Variants in RBM46 observed in about 807,000 individuals in gnomAD.
The protein encoded by RBM46 is probable RNA-binding protein 46.
Under a neutral mutation model 43.3 loss-of-function variants are expected in RBM46, and 12 were observed. That is an observed-to-expected ratio of 0.28 (90% CI 0.18 to 0.45). The LOEUF is 0.45. RBM46 is among the 20% of genes least tolerant of loss of function. The pLI is 1.00. For synonymous variants in RBM46, 205 were observed against 207.6 expected (o/e 0.99, Z 0.11); for missense variants, 412 against 639.1 (o/e 0.64, Z 3.83).
intron 4 of RBM46, among the ~76,000 whole-genome samples, chr4:154,806,379 T>C (rs968565967): frequency 4.6e-5 from 7 of 151,864 alleles, no homozygotes; most frequent in Non-Finnish European, 8.9e-5. Context: ...TGGACTTCAA[T>C]GTCCTCAGAT....
At chr4:154,786,654 T>C (rs746994102) in intron 1 of RBM46, among the ~76,000 whole-genome samples, 19 of 149,874 alleles carry the variant, frequency 1.3e-4, no homozygotes, top group Admixed American at 6.6e-5. Flanking sequence ...GTAGGCCAGG[T>C]GCGATGGCTC....
At chr4:154,806,894 C>T (rs1391641789) in intron 4 of RBM46, among the ~76,000 whole-genome samples, 1 of 151,684 alleles carries the variant, frequency 6.6e-6, no homozygotes, top group Non-Finnish European at 1.5e-5. Context: ...GTATCTGTCC[C>T]ATAGGTTTAT....
Position 154,797,917 on chromosome 4 carries a change from G to A in RBM46, c.258G>A (p.Lys86=), listed in dbSNP as rs1734430477. 1.2e-6 allele frequency: 2 copies of A among 1,612,704 alleles called. No individual in the cohort carries two copies. Among genetic ancestry groups the A allele is most frequent in the African/African-American group, 2.7e-5 (2 of 74,856 alleles). Residue 86 remains lysine (K), a synonymous_variant, in exon 3 of 5, where the codon AAG becomes AAA. Coordinates refer to ENST00000281722, the MANE Select transcript of RBM46 (RefSeq NM_144979.5). The part of the protein sequence containing the change: ...ELVPVFERAG[K]IYEFRLMMEF... The stretch of plus-strand genomic sequence containing the variant: ...TTCCTGTATTTGAAAGAGCTGGGAA[G>A]ATATATGAATTTCGACTTATGATGG...
chr4:154,826,540 G>A (rs1443086701), intron 4 of RBM46, among the ~76,000 whole-genome samples: 3 of 151,896 alleles, frequency 2.0e-5, no homozygotes, highest in Non-Finnish European at 4.4e-5. Context: ...AAAAGTAAAT[G>A]GTATCAAAGT....
In RBM46 at chr4:154,828,050, C is replaced by G; in HGVS notation, c.1585C>G (p.Gln529Glu). 2 of 1,611,744 alleles carry G rather than the reference C, an allele frequency of 1.2e-6. No individual in the cohort carries two copies. Among genetic ancestry groups the G allele is most frequent in the Non-Finnish European group, 1.7e-6 (2 of 1,177,862 alleles). The stretch of plus-strand genomic sequence containing the variant: ...TGGACAGCGGCTATGTATCTCCAAT[C>G]AGGCCTCCTTCTTCTGAAGAAAATA... ...HVGQRLCISN[Q>E]ASFF Residue 529 changes from glutamine to glutamate, a missense_variant, in exon 5 of 5, where the codon CAG becomes GAG. Physicochemically the swap from Gln to Glu is conservative, Grantham distance 29. Coordinates refer to ENST00000281722, the MANE Select transcript of RBM46 (RefSeq NM_144979.5).
At chr4:154,817,102 A>G (rs1274361670) in intron 4 of RBM46, among the ~76,000 whole-genome samples, 1 of 151,998 alleles carries the variant, frequency 6.6e-6, no homozygotes, top group African/African-American at 2.4e-5. Flanking sequence ...ATCTGTGTTC[A>G]TTAGTGAGAT....
chr4:154,821,908 G>A (rs1193569799), intron 4 of RBM46, among the ~76,000 whole-genome samples: 1 of 151,690 alleles, frequency 6.6e-6, no homozygotes, highest in East Asian at 1.9e-4. Flanking sequence ...CTAGGTAATT[G>A]AGGTAGCAAC....
At chr4:154,827,008 CT>C in intron 4 of RBM46, 1 of 1,251,834 alleles carries the variant, frequency 8.0e-7, no homozygotes, top group Non-Finnish European at 1.0e-6. Flanking sequence ...TTGTCACACC[CT>C]TGGCTTATTT....
chr4:154,785,595 T>G (rs1244903414), intron 1 of RBM46, among the ~76,000 whole-genome samples: 2 of 152,126 alleles, frequency 1.3e-5, no homozygotes, highest in Non-Finnish European at 2.9e-5. Context: ...CTTAACTAGA[T>G]TCTTGTTTTT....
At chr4:154,790,570 A>G (rs1734034830) in intron 1 of RBM46, 1 of 152,222 alleles carries the variant, frequency 6.6e-6, no homozygotes, top group Non-Finnish European at 1.5e-5. Flanking sequence ...ATACATCTTA[A>G]AATGAATTAT....
intron 3 of RBM46, 30 bp downstream of exon 3, chr4:154,798,308 A>G (rs1734447073): frequency 7.4e-7 from 1 of 1,358,954 alleles, no homozygotes; most frequent in Non-Finnish European, 1.0e-6. Context: ...TTCAATATTA[A>G]CATTATTACA....
chr4:154,789,432 CAT>C (rs1560890875), intron 1 of RBM46, among the ~76,000 whole-genome samples: 1 of 152,120 alleles, frequency 6.6e-6, no homozygotes, highest in Admixed American at 6.5e-5. Flanking sequence ...TTGAGATAAT[CAT>C]GTGGTTTTTG....
intron 4 of RBM46, among the ~76,000 whole-genome samples, chr4:154,802,256 G>A (rs1052382495): frequency 6.6e-6 from 1 of 152,154 alleles, no homozygotes; most frequent in African/African-American, 2.4e-5. Context: ...AGGAGAAAGA[G>A]AATTCAGGGA....
intron 3 of RBM46, 49 bp from the exon 4 acceptor site, chr4:154,798,733 T>G: frequency 3.0e-6 from 4 of 1,320,436 alleles, no homozygotes; most frequent in Non-Finnish European, 4.0e-6. Context: ...CATCTTTACC[T>G]TTTATTCTTT....
intron 1 of RBM46, among the ~76,000 whole-genome samples, chr4:154,785,992 A>T (rs1733743440): frequency 6.6e-6 from 1 of 152,212 alleles, no homozygotes. Flanking sequence ...AGGTGGTTAT[A>T]TCACTTAAAA....
rs1051352323 is a variant in RBM46 at position 154,828,196 on chromosome 4, C to T, written c.*129C>T. On this transcript the variant is annotated 3_prime_UTR_variant, in exon 5 of 5. Coordinates refer to ENST00000281722, the MANE Select transcript of RBM46 (RefSeq NM_144979.5). The stretch of plus-strand genomic sequence containing the variant: ...TTAAAAAGGTATTTATTCCAAAGTA[C>T]TAAACATCAGCTATAATTCAGAATA... 3.0e-6 allele frequency: 2 copies of T among 666,588 alleles called. No individual in the cohort carries two copies. Among genetic ancestry groups the T allele is most frequent in the Admixed American group, 2.6e-5 (1 of 38,692 alleles). 41.3% of individuals were successfully genotyped at this position (666,588 alleles called of 1,614,324 possible).
intron 4 of RBM46, among the ~76,000 whole-genome samples, chr4:154,817,631 C>G (rs931273218): frequency 1.3e-5 from 2 of 151,946 alleles, no homozygotes. Context: ...CATGCCTGGC[C>G]TTGTGTTCCA....
chr4:154,799,246 C>T lies in RBM46; in HGVS notation c.1084C>T (p.Pro362Ser). 6.2e-7 allele frequency: 1 copy of T among 1,614,156 alleles called. No homozygotes were observed. Among genetic ancestry groups the T allele is most frequent in the Non-Finnish European group, 8.5e-7 (1 of 1,180,018 alleles). ...TCTCAATGGTCAGCATAGCCCAAGT[C>T]CGCCTGAAGTTGAAAGATGCACTTA... ...ARLNGQHSPS[P>S]PEVERCTYPF... Residue 362 changes from proline (P) to serine (S), a missense_variant, in exon 4 of 5, where the codon CCG (proline) becomes TCG (serine). Physicochemically the swap from Pro to Ser is moderately conservative, Grantham distance 74. Around this residue, in one of 8 missense-constraint regions of RBM46, gnomAD observed 105 missense variants for 111.0 expected, o/e 0.95. Transcript: ENST00000281722.
chr4:154,801,051 G>T (rs1163129792), intron 4 of RBM46, among the ~76,000 whole-genome samples: 1 of 150,964 alleles, frequency 6.6e-6, no homozygotes, highest in African/African-American at 2.4e-5. Context: ...CATGATCTTG[G>T]CTCACTGCAA....
Sources: gnomAD v4.1 joint callset for allele counts (sites outside exome capture counted in the v4.1 genomes callset) on GRCh38, gnomAD v4.1.1 for gene constraint, gnomAD v4.1.1 regional missense constraint, MANE v1.5 for transcripts, NCBI Gene and HGNC (gene_info 2026-07-23, HGNC 2026-07-21) for gene names.